ANXA1: variants seen among roughly 807,000 people sequenced by gnomAD.
The protein encoded by ANXA1 is annexin A1, also known as annexin I (lipocortin I).
A neutral mutation model predicts 47.9 loss-of-function variants in ANXA1; 39 were observed. The observed-to-expected ratio is 0.81, with a 90% CI of 0.63 to 1.06. ANXA1 has a LOEUF of 1.06. ANXA1 is among the 50% of genes least tolerant of loss of function. The pLI is 0.00. For synonymous variants in ANXA1, 146 were observed against 142.5 expected (o/e 1.02, Z -0.17); for missense variants, 446 against 422.7 (o/e 1.06, Z -0.48).
intron 10 of ANXA1, among the ~76,000 whole-genome samples, chr9:73,166,873 T>C (rs1341722214): frequency 6.6e-6 from 1 of 152,190 alleles, no homozygotes; most frequent in Non-Finnish European, 1.5e-5. Context: ...CACTATGAAC[T>C]GGAATGTGCT....
intron 5 of ANXA1, 36 bp from the exon 6 acceptor site, chr9:73,160,767 T>A: frequency 2.0e-6 from 3 of 1,523,794 alleles, no homozygotes; most frequent in East Asian, 4.5e-5. Flanking sequence ...TGAAGATTTT[T>A]TTCTACATTT....
At chr9:73,155,414 A>G (rs1824031809) in intron 1 of ANXA1, among the ~76,000 whole-genome samples, 2 of 152,232 alleles carry the variant, frequency 1.3e-5, no homozygotes, top group South Asian at 4.1e-4. Context: ...TCATTGGCTT[A>G]GGCAGGTTTT....
rs777010678 is a variant in ANXA1, at chr9:73,159,454, A to G, written c.270+31A>G. On this transcript the variant is annotated intron_variant, in intron 4 of 12. Coordinates refer to ENST00000257497, the MANE Select transcript of ANXA1 (RefSeq NM_000700.3). ...TTAGAGTGGTAAATTTAGATATTTA[A>G]TTTCAGCATAGTTATACTTAACCAT... The G allele has an allele frequency of 1.9e-6, 3 of 1,576,404 alleles. No homozygotes were observed. In the South Asian group the frequency reaches 3.3e-5, roughly 17 times the overall value.
intron 7 of ANXA1, among the ~76,000 whole-genome samples, chr9:73,163,144 C>A (rs763415064): frequency 6.6e-6 from 1 of 152,000 alleles, no homozygotes; most frequent in Non-Finnish European, 1.5e-5. Flanking sequence ...GAGGTGCCAG[C>A]CTCGTTAACA....
At chr9:73,162,909 A>T (rs1211113886) in intron 7 of ANXA1, 48 bp downstream of exon 7, 1 of 1,439,770 alleles carries the variant, frequency 6.9e-7, no homozygotes, top group Non-Finnish European at 9.7e-7. Flanking sequence ...ATAAAGACTA[A>T]TTTCTTAGTC....
At position 73,160,393 on chromosome 9, in the gene ANXA1, G is replaced by A. The variant is rs1246223887; in HGVS notation, c.384+17G>A. 6.5e-7 allele frequency: 1 copy of A among 1,527,634 alleles called. No homozygotes were observed. The highest frequency in any genetic ancestry group is 8.8e-7 in the Non-Finnish European group (1 of 1,137,426). 94.6% of individuals were successfully genotyped at this position (1,527,634 alleles called of 1,614,324 possible). ...GCCATGAAGGTAAATCGCCCAATTT[G>A]AGCAAACTCCTTTCCTCAAGAGGAT... On this transcript the variant is annotated intron_variant, in intron 5 of 12. Coordinates refer to ENST00000257497, the MANE Select transcript of ANXA1 (RefSeq NM_000700.3).
chr9:73,159,423 G>A lies in ANXA1; in HGVS notation c.270G>A (p.Lys90=). 1 of 1,611,476 alleles carries A rather than the reference G, an allele frequency of 6.2e-7. No individual in the cohort carries two copies. The highest frequency in any genetic ancestry group is 8.5e-7 in the Non-Finnish European group (1 of 1,178,094). Residue 90 remains lysine, a splice_region_variant and synonymous_variant, in exon 4 of 13, where the codon AAG becomes AAA. Coordinates refer to ENST00000257497, the MANE Select transcript of ANXA1 (RefSeq NM_000700.3). ...CAGCATATCTCCAGGAAACAGGAAA[G>A]GTAAGTTAGAGTGGTAAATTTAGAT... ...IKAAYLQETG[K]PLDETLKKAL...
chr9:73,152,290 T>C (rs567898489), intron 1 of ANXA1, among the ~76,000 whole-genome samples: 3 of 152,268 alleles, frequency 2.0e-5, no homozygotes, highest in African/African-American at 7.2e-5. Flanking sequence ...AAGAGCTGTG[T>C]GTTTTACAGA....
Position 73,159,418 on chromosome 9 carries a change from G to A in ANXA1, c.265G>A (p.Gly89Arg), listed in dbSNP as rs745959338. 2.5e-6 allele frequency: 4 copies of A among 1,612,018 alleles called. No individual in the cohort carries two copies. The highest frequency in any genetic ancestry group is 3.4e-6 in the Non-Finnish European group (4 of 1,178,558). ...CAAAGCAGCATATCTCCAGGAAACA[G>A]GAAAGGTAAGTTAGAGTGGTAAATT... ...QIKAAYLQET[G>R]KPLDETLKKA... The change falls in exon 4 of 13, where the codon GGA (glycine) becomes AGA (arginine). Residue 89 changes from glycine to arginine, a missense_variant. By Grantham distance (125) the Gly-to-Arg change is moderately radical (BLOSUM62 -2). Transcript: ENST00000257497.
chr9:73,165,317 T>G (rs1824209485), intron 9 of ANXA1, 108 bp downstream of exon 9: 1 of 783,038 alleles, frequency 1.3e-6, no homozygotes, highest in Non-Finnish European at 2.1e-6. Flanking sequence ...ATATCACTCC[T>G]GTATCAAACA....
intron 7 of ANXA1, among the ~76,000 whole-genome samples, chr9:73,163,148 G>A (rs1020448192): frequency 2.6e-5 from 4 of 152,018 alleles, no homozygotes; most frequent in Admixed American, 6.6e-5. Context: ...TGCCAGCCTC[G>A]TTAACAACCA....
chr9:73,152,090 A>G (rs1217221759), intron 1 of ANXA1, among the ~76,000 whole-genome samples, 166 bp downstream of exon 1: 1 of 152,228 alleles, frequency 6.6e-6, no homozygotes, highest in Non-Finnish European at 1.5e-5. Context: ...ATATTTTAGG[A>G]ATCACAAATT....
At position 73,166,971 on chromosome 9, in the gene ANXA1, T is replaced by G. The variant is rs538608689; in HGVS notation, c.803-526T>G. ...ATTCATTTATTTTTACTTATTTGTT[T>G]GTGCAACTCTTACTTTAGACACAGA... On this transcript the variant is annotated intron_variant, in intron 10 of 12. Transcript: ENST00000257497. Among the ~76,000 whole-genome samples the G allele has an allele frequency of 5.3e-5, 8 of 152,264 alleles. No individual in the cohort carries two copies. In the East Asian group the frequency reaches 1.3e-3, roughly 26 times the overall value.
intron 11 of ANXA1, chr9:73,168,308 C>CA (rs2118180008): frequency 6.6e-6 from 1 of 152,272 alleles, no homozygotes; most frequent in East Asian, 1.9e-4. Flanking sequence ...CCCTTTCTGC[C>CA]ATAGTCTAGT....
chr9:73,158,880 T>C lies in ANXA1; in HGVS notation c.175+77T>C, dbSNP rs538788914. On this transcript the variant is annotated intron_variant, in intron 3 of 12. Transcript: ENST00000257497. The stretch of plus-strand genomic sequence containing the variant: ...TTGAATGACTGTCAAAAAACAGACA[T>C]GTGCAATGGAAAGAATCTGTTTCAT... The C allele has an allele frequency of 2.6e-5, 29 of 1,119,608 alleles. No individual in the cohort carries two copies. In the East Asian group the frequency reaches 5.1e-4, roughly 20 times the overall value. The allele number at this position is 1,119,608 out of a possible 1,614,324, so 69.4% of individuals were successfully genotyped here. A position where few individuals can be genotyped will look rare whatever the true frequency, so the allele number is the denominator to read the frequency against.
At chr9:73,166,972 G>A (rs558304231) in intron 10 of ANXA1, among the ~76,000 whole-genome samples, 4 of 152,070 alleles carry the variant, frequency 2.6e-5, no homozygotes, top group South Asian at 2.1e-4. Flanking sequence ...TTATTTGTTT[G>A]TGCAACTCTT....
chr9:73,157,653 C>CAAAAAAA (rs373035373), intron 1 of ANXA1: 1 of 42,620 alleles, frequency 2.3e-5, no homozygotes, highest in African/African-American at 7.5e-5. Context: ...GACTCCATCT[C>CAAAAAAA]AAAAAAAAAA....
chr9:73,165,320 A>G, intron 9 of ANXA1, 111 bp downstream of exon 9: 2 of 756,794 alleles, frequency 2.6e-6, no homozygotes, highest in Non-Finnish European at 4.4e-6. Context: ...TCACTCCTGT[A>G]TCAAACAGAT....
chr9:73,163,179 C>T (rs1384194838), intron 7 of ANXA1, among the ~76,000 whole-genome samples: 1 of 152,048 alleles, frequency 6.6e-6, no homozygotes, highest in Admixed American at 6.6e-5. Context: ...TTCTCATGAG[C>T]AAGAACTCAT....
Sources: gnomAD v4.1 joint callset for allele counts (sites outside exome capture counted in the v4.1 genomes callset) on GRCh38, gnomAD v4.1.1 for gene constraint, MANE v1.5 for transcripts, NCBI Gene and HGNC (gene_info 2026-07-23, HGNC 2026-07-21) for gene names.